The following PCBP3 variants were observed in gnomAD, a reference collection of about 807,000 sequenced individuals.
The protein encoded by PCBP3 is poly(rC)-binding protein 3.
PCBP3 carries 25 observed loss-of-function variants against 52.7 expected under a neutral mutation model. The observed-to-expected ratio is 0.47, with a 90% CI of 0.35 to 0.66. The LOEUF (loss-of-function observed/expected upper bound fraction) is 0.66. PCBP3 is among the 30% of genes least tolerant of loss of function. PCBP3 has a pLI of 0.01. For missense variants in PCBP3, 391 were observed against 490.3 expected, an observed-to-expected ratio of 0.80 and a Z score of 1.91; for synonymous variants, 162 against 183.0, an observed-to-expected ratio of 0.89 and a Z score of 0.93.
intron 4 of PCBP3, among the ~76,000 whole-genome samples, chr21:45,757,359 A>G (rs1003834049): frequency 7.9e-5 from 12 of 152,160 alleles, no homozygotes; most frequent in Admixed American, 3.9e-4. Flanking sequence ...TTTTTTGCCT[A>G]CTTTTAAATT....
intron 4 of PCBP3, among the ~76,000 whole-genome samples, chr21:45,844,700 A>G (rs1459345849): frequency 6.6e-6 from 1 of 152,072 alleles, no homozygotes; most frequent in African/African-American, 2.4e-5. Context: ...GTTAGCCCAC[A>G]AAAGTGGCAA....
At chr21:45,680,868 A>G (rs147256632) in intron 2 of PCBP3, among the ~76,000 whole-genome samples, 54 of 152,288 alleles carry the variant, frequency 3.5e-4, no homozygotes, top group Non-Finnish European at 6.9e-4. Context: ...GTCCTAGTCT[A>G]TTTGTACTGC....
chr21:45,815,339 T>G (rs1431734271), intron 4 of PCBP3, among the ~76,000 whole-genome samples: 9 of 16,818 alleles, frequency 5.4e-4, no homozygotes, highest in Admixed American at 1.0e-3. Context: ...GATGAGTGAG[T>G]GGTGAGTGAT....
chr21:45,658,404 A>G (rs1352029668), intron 1 of PCBP3, among the ~76,000 whole-genome samples: 2 of 152,094 alleles, frequency 1.3e-5, no homozygotes, highest in South Asian at 2.1e-4. Context: ...CCTGGAGTCA[A>G]GCGACTCTCC....
At chr21:45,693,804 T>C (rs2082620778) in intron 2 of PCBP3, among the ~76,000 whole-genome samples, 1 of 152,092 alleles carries the variant, frequency 6.6e-6, no homozygotes, top group Non-Finnish European at 1.5e-5. Context: ...GCAAGTTCTT[T>C]AGGTTGAAAG....
At chr21:45,823,332 A>G (rs1271156548) in intron 4 of PCBP3, among the ~76,000 whole-genome samples, 1 of 152,118 alleles carries the variant, frequency 6.6e-6, no homozygotes, top group Admixed American at 6.5e-5. Flanking sequence ...GTCGGCCTTA[A>G]TTCCTTCAGG....
intron 1 of PCBP3, among the ~76,000 whole-genome samples, chr21:45,647,604 G>A (rs369110799): frequency 3.3e-5 from 5 of 152,198 alleles, no homozygotes; most frequent in Non-Finnish European, 4.4e-5. Flanking sequence ...AAAAAGACTG[G>A]AAGGTTGGAA....
intron 5 of PCBP3, among the ~76,000 whole-genome samples, chr21:45,882,642 G>T (rs752650031): frequency 2.0e-5 from 3 of 152,014 alleles, no homozygotes; most frequent in African/African-American, 4.8e-5. Flanking sequence ...TTTTCTTAGT[G>T]GTTTTGCAGT....
chr21:45,672,193 T>C (rs2081213700), intron 2 of PCBP3, among the ~76,000 whole-genome samples: 1 of 152,148 alleles, frequency 6.6e-6, no homozygotes, highest in African/African-American at 2.4e-5. Flanking sequence ...TATTGTGTGA[T>C]GCCCTGCACC....
intron 2 of PCBP3, among the ~76,000 whole-genome samples, chr21:45,726,596 C>A (rs959005029): frequency 1.3e-5 from 2 of 152,212 alleles, no homozygotes; most frequent in Non-Finnish European, 2.9e-5. Context: ...TCCCGCCAGG[C>A]CTGTCCATCT....
At chr21:45,938,867 C>T (rs951760674) in intron 16 of PCBP3, among the ~76,000 whole-genome samples, 1 of 152,214 alleles carries the variant, frequency 6.6e-6, no homozygotes, top group Non-Finnish European at 1.5e-5. Context: ...GGGACAAGGG[C>T]TGGCTGGCAG....
chr21:45,689,096 C>G (rs977029040), intron 2 of PCBP3, among the ~76,000 whole-genome samples: 3 of 151,920 alleles, frequency 2.0e-5, no homozygotes, highest in Non-Finnish European at 4.4e-5. Context: ...CAGCTTTATC[C>G]TGTCATGAAA....
At chr21:45,881,930 G>A (rs1294406663) in intron 5 of PCBP3, among the ~76,000 whole-genome samples, 3 of 152,108 alleles carry the variant, frequency 2.0e-5, no homozygotes, top group Non-Finnish European at 2.9e-5. Context: ...TTCTTTATCC[G>A]TTCGTCTCTC....
At chr21:45,663,077 C>G (rs2080520382) in intron 1 of PCBP3, among the ~76,000 whole-genome samples, 1 of 152,202 alleles carries the variant, frequency 6.6e-6, no homozygotes, top group African/African-American at 2.4e-5. Flanking sequence ...TCCTGTACAC[C>G]TGGCTCTGCC....
At chr21:45,908,641 T>A (rs1236339244) in intron 9 of PCBP3, among the ~76,000 whole-genome samples, 1 of 150,788 alleles carries the variant, frequency 6.6e-6, no homozygotes, top group Non-Finnish European at 1.5e-5. Flanking sequence ...GGAGCTGCCC[T>A]GTCACTGCCT....
intron 13 of PCBP3, among the ~76,000 whole-genome samples, chr21:45,923,238 T>A (rs2074716230): frequency 6.6e-6 from 1 of 152,208 alleles, no homozygotes; most frequent in Non-Finnish European, 1.5e-5. Context: ...GTCCCCTCAC[T>A]GTAGTGAGAG....
chr21:45,666,000 A>C (rs900109782), intron 1 of PCBP3, among the ~76,000 whole-genome samples: 2 of 152,226 alleles, frequency 1.3e-5, no homozygotes, highest in African/African-American at 4.8e-5. Context: ...TTACCACATA[A>C]ACAGAATTAA....
chr21:45,847,257 A>G (rs932586870), intron 4 of PCBP3, among the ~76,000 whole-genome samples: 2 of 151,540 alleles, frequency 1.3e-5, no homozygotes, highest in East Asian at 1.9e-4. Flanking sequence ...TCTCCCACCT[A>G]TTTTTCATGC....
At chr21:45,646,177 C>T (rs979013312) in intron 1 of PCBP3, among the ~76,000 whole-genome samples, 1 of 146,096 alleles carries the variant, frequency 6.8e-6, no homozygotes, top group Non-Finnish European at 1.5e-5. Context: ...AACTTCCTTT[C>T]CAGTGTACTT....
Sources: allele counts gnomAD v4.1 joint callset (sites outside exome capture counted in the v4.1 genomes callset), GRCh38; gene constraint gnomAD v4.1.1; transcripts MANE v1.5; gene names NCBI Gene and HGNC (gene_info 2026-07-23, HGNC 2026-07-21).